The following DENND2B variants were observed in gnomAD, a reference collection of about 807,000 sequenced individuals.
DENND2B encodes DENN domain containing 2B.
A neutral mutation model predicts 116.0 loss-of-function variants in DENND2B; 32 were observed. The observed-to-expected ratio is 0.28, with a 90% CI of 0.21 to 0.37. The LOEUF (loss-of-function observed/expected upper bound fraction) is 0.37. Ranked by LOEUF, DENND2B falls within the 10% of genes least tolerant of loss-of-function variation. DENND2B has a pLI of 1.00. For synonymous variants in DENND2B, 588 were observed against 583.9 expected (o/e 1.01, Z -0.10); for missense variants, 1,276 against 1,477.7 (o/e 0.86, Z 2.24).
chr11:8,774,877 A>ATTTTTT (rs1565919434), intron 1 of DENND2B, among the ~76,000 whole-genome samples: 56 of 143,780 alleles, frequency 3.9e-4, no homozygotes, highest in African/African-American at 1.1e-3. Flanking sequence ...TTTTTTTTTA[A>ATTTTTT]TTATTATTTT....
intron 1 of DENND2B, among the ~76,000 whole-genome samples, chr11:8,786,303 C>T (rs1800553035): frequency 6.6e-6 from 1 of 151,888 alleles, no homozygotes; most frequent in South Asian, 2.1e-4. Flanking sequence ...AGGAAACTGT[C>T]GCTGTAGTGG....
At chr11:8,782,211 T>G (rs1174624639) in intron 1 of DENND2B, among the ~76,000 whole-genome samples, 1 of 152,208 alleles carries the variant, frequency 6.6e-6, no homozygotes, top group Non-Finnish European at 1.5e-5. Context: ...TGAAAACTTT[T>G]TAGAAATGAC....
At chr11:8,803,177 G>C (rs1261951427) in intron 1 of DENND2B, among the ~76,000 whole-genome samples, 2 of 152,036 alleles carry the variant, frequency 1.3e-5, no homozygotes, top group South Asian at 2.1e-4. Context: ...TTGAGGGCAG[G>C]AGTTGGCCAC....
chr11:8,711,046 G>T (rs1198582558), intron 10 of DENND2B, 76 bp downstream of exon 10: 88 of 1,554,106 alleles, frequency 5.7e-5, no homozygotes, highest in Non-Finnish European at 7.2e-5. Flanking sequence ...ACTAGAGCAG[G>T]CCCCACTCAG....
chr11:8,783,397 A>G (rs964517508), intron 1 of DENND2B, among the ~76,000 whole-genome samples: 9 of 152,230 alleles, frequency 5.9e-5, no homozygotes, highest in Non-Finnish European at 1.2e-4. Context: ...AATTCTATGC[A>G]GCATTAAACA....
At chr11:8,814,534 T>C (rs1341452375), upstream of DENND2B, among the ~76,000 whole-genome samples, 1 of 152,180 alleles carries the variant, frequency 6.6e-6, no homozygotes, top group Non-Finnish European at 1.5e-5. Context: ...AAGCAGTCTT[T>C]GCCTGGATAG....
chr11:8,705,044 G>A (rs1291016874), intron 13 of DENND2B, among the ~76,000 whole-genome samples: 1 of 152,010 alleles, frequency 6.6e-6, no homozygotes, highest in Non-Finnish European at 1.5e-5. Context: ...CATCAGATGA[G>A]AATCCAAAAT....
At chr11:8,710,769 A>ACACACACACC (rs2043491708) in intron 11 of DENND2B, 76 bp downstream of exon 11, 1 of 1,252,256 alleles carries the variant, frequency 8.0e-7, no homozygotes, top group Non-Finnish European at 1.2e-6. Context: ...ACACACACAC[A>ACACACACACC]CACACACACA....
intron 13 of DENND2B, chr11:8,703,491 A>T (rs1565643347): frequency 1.3e-5 from 2 of 152,298 alleles, no homozygotes; most frequent in South Asian, 2.1e-4. Context: ...TCCAGCGGTG[A>T]GGGCAGGAGG....
At chr11:8,753,909 A>G (rs1225188360) in intron 1 of DENND2B, among the ~76,000 whole-genome samples, 1 of 152,204 alleles carries the variant, frequency 6.6e-6, no homozygotes, top group Non-Finnish European at 1.5e-5. Context: ...AAAGTAAAAA[A>G]TGTAGTATAG....
rs567130598 is a variant in DENND2B, at chr11:8,702,111, G to T, written c.2720+461C>A. Among the ~76,000 whole-genome samples the T allele has an allele frequency of 4.0e-5, 6 of 151,870 alleles. No homozygotes were observed. The East Asian group carries it at 1.2e-3, about 29-fold the overall frequency. ...AGGGGACACCCTCCACAGGACCCTC[G>T]CTGGCTGGCTCAGCATTCCTCACAC... On this transcript the variant is annotated intron_variant, in intron 14 of 19. Transcript: ENST00000313726. This position sits in a 1 kb window ranked among gnomAD's most constrained non-coding sequence, Gnocchi z 4.6.
intron 1 of DENND2B, among the ~76,000 whole-genome samples, chr11:8,790,463 C>G (rs932636491): frequency 6.6e-6 from 1 of 152,132 alleles, no homozygotes; most frequent in African/African-American, 2.4e-5. Flanking sequence ...CTTACTTAGC[C>G]TATTTCTACT....
chr11:8,893,606 GACAA>G (rs1475315880), intron 1 of DENND2B, among the ~76,000 whole-genome samples: 17 of 152,240 alleles, frequency 1.1e-4, no homozygotes, highest in African/African-American at 4.1e-4. Context: ...ACCAATAACA[GACAA>G]ACAGAGAGCC....
intron 1 of DENND2B, among the ~76,000 whole-genome samples, chr11:8,910,299 C>A (rs1276459117): frequency 1.3e-5 from 2 of 151,610 alleles, no homozygotes; most frequent in East Asian, 3.9e-4. Flanking sequence ...TTGGCAGCCA[C>A]ACAGTTTGGC....
At position 8,761,796 on chromosome 11, in the gene DENND2B, T is replaced by C. The variant is rs529490039; in HGVS notation, c.-25-11071A>G. 9.3e-3 allele frequency among the ~76,000 whole-genome samples: 1,405 copies of C among 151,868 alleles called. 25 individuals carry two copies. The highest frequency in any genetic ancestry group is 0.033 in the African/African-American group (1,349 of 41,348). ...ACCTTCTCCGAGTAAGACTAGGAAATAATAAAGGCTAAAGGGACTGGGCAA... is the reference window on the plus strand; with the variant it reads ...ACCTTCTCCGAGTAAGACTAGGAAACAATAAAGGCTAAAGGGACTGGGCAA... On this transcript the variant is annotated intron_variant, in intron 1 of 19. Coordinates refer to ENST00000313726, the MANE Select transcript of DENND2B (RefSeq NM_213618.2).
intron 6 of DENND2B, 148 bp from the exon 7 acceptor site, chr11:8,714,854 CCGACCTCAAG>C: frequency 1.6e-6 from 1 of 644,574 alleles, no homozygotes; most frequent in Non-Finnish European, 2.7e-6. Context: ...AACTGCAGAA[CCGACCTCAAG>C]TGGTGACTCA....
intron 1 of DENND2B, among the ~76,000 whole-genome samples, chr11:8,784,786 C>T (rs936769767): frequency 2.0e-4 from 30 of 150,634 alleles, no homozygotes; most frequent in African/African-American, 6.8e-4. Flanking sequence ...TGCAGTGAGC[C>T]GAGATTGTGC....
chr11:8,875,986 T>G (rs7106539), upstream of DENND2B, among the ~76,000 whole-genome samples: 54,174 of 128,224 alleles, frequency 0.42, 9,265 homozygotes, highest in Middle Eastern at 0.52. Flanking sequence ...TATTATTTTA[T>G]TTAGATCTAC....
intron 2 of DENND2B, among the ~76,000 whole-genome samples, chr11:8,746,201 G>A (rs74053139): frequency 0.056 from 8,431 of 151,610 alleles, 475 homozygotes; most frequent in African/African-American, 0.15. Flanking sequence ...CTTCTCTTTA[G>A]GCTCTTAGCT....
Sources: allele counts gnomAD v4.1 joint callset (sites outside exome capture counted in the v4.1 genomes callset), GRCh38; gene constraint gnomAD v4.1.1; non-coding constraint Gnocchi (gnomAD v3.1); transcripts MANE v1.5; gene names NCBI Gene and HGNC (gene_info 2026-07-23, HGNC 2026-07-21).